The following FOXP2 variants were observed in gnomAD, a reference collection of about 807,000 sequenced individuals.
FOXP2 encodes forkhead box P2, also known as forkhead box protein P2.
Under a neutral mutation model 115.8 loss-of-function variants are expected in FOXP2, and 12 were observed. The ratio of observed to expected loss-of-function variants is 0.10; its 90% CI spans 0.07 to 0.17. The LOEUF is 0.17. FOXP2 is among the 10% of genes least tolerant of loss of function. FOXP2 has a pLI of 1.00. For synonymous variants in FOXP2, 328 were observed against 297.7 expected (o/e 1.10, Z -1.05); for missense variants, 629 against 843.5 (o/e 0.75, Z 3.15).
intron 2 of FOXP2, among the ~76,000 whole-genome samples, chr7:114,367,796 T>C (rs1791915762): frequency 6.6e-6 from 1 of 152,176 alleles, no homozygotes; most frequent in Non-Finnish European, 1.5e-5. Flanking sequence ...ATCACCTCCT[T>C]CTAGTGAAGA....
intron 2 of FOXP2, among the ~76,000 whole-genome samples, chr7:114,354,743 C>T (rs1053349279): frequency 1.3e-5 from 2 of 152,160 alleles, no homozygotes; most frequent in African/African-American, 4.8e-5. Flanking sequence ...TCTATGAACA[C>T]ACCTGCTCAG....
intron 9 of FOXP2, chr7:114,653,600 G>A (rs1806406641): frequency 1.6e-5 from 6 of 367,014 alleles, no homozygotes; most frequent in Non-Finnish European, 1.6e-5. Context: ...GTGTCCACAG[G>A]ACTTTAAAGA....
At chr7:114,251,243 T>G (rs1795434306) in intron 1 of FOXP2, among the ~76,000 whole-genome samples, 1 of 152,232 alleles carries the variant, frequency 6.6e-6, no homozygotes, top group African/African-American at 2.4e-5. Flanking sequence ...TGCCTGCAGC[T>G]TTGTTCTTTT....
At chr7:114,552,843 G>C (rs959876179) in intron 3 of FOXP2, among the ~76,000 whole-genome samples, 8 of 152,016 alleles carry the variant, frequency 5.3e-5, no homozygotes, top group Non-Finnish European at 1.2e-4. Context: ...TAGAGGTCAG[G>C]ACTGTGAAAA....
intron 1 of FOXP2, among the ~76,000 whole-genome samples, chr7:114,197,173 C>T (rs111236039): frequency 0.012 from 1,780 of 147,484 alleles, 40 homozygotes; most frequent in African/African-American, 0.042. Context: ...ACTCCAGCCT[C>T]GACTACACAG....
chr7:114,244,036 C>G (rs755609965), intron 1 of FOXP2, among the ~76,000 whole-genome samples: 6 of 151,436 alleles, frequency 4.0e-5, no homozygotes, highest in Admixed American at 1.3e-4. Context: ...TTCTTTGGCT[C>G]TAGAATGTTT....
chr7:114,423,331 G>A (rs552596306), intron 1 of FOXP2, among the ~76,000 whole-genome samples: 1 of 151,774 alleles, frequency 6.6e-6, no homozygotes, highest in East Asian at 2.0e-4. Flanking sequence ...CAAAAGGGAA[G>A]TGGTGTAGAG....
chr7:114,429,152 G>A lies in FOXP2; in HGVS notation c.168+2473G>A, dbSNP rs73434156. Among the ~76,000 whole-genome samples, 1,062 of 151,486 alleles carry A rather than the reference G, an allele frequency of 7.0e-3. 11 individuals carry two copies. Among genetic ancestry groups the A allele is most frequent in the African/African-American group, 0.024 (1,012 of 41,458 alleles). On this transcript the variant is annotated intron_variant, in intron 2 of 16. Coordinates refer to ENST00000350908, the MANE Select transcript of FOXP2 (RefSeq NM_014491.4). ...TTGACTTAAATTAGCCATGTATTTA[G>A]CATGAAGAGTTGGTGTTTGGAATGA...
intron 1 of FOXP2, among the ~76,000 whole-genome samples, chr7:114,173,276 G>A (rs1235523566): frequency 6.6e-6 from 1 of 151,746 alleles, no homozygotes; most frequent in Non-Finnish European, 1.5e-5. Context: ...TTCTTTCTTT[G>A]ACGTGAAATT....
At chr7:114,572,103 T>G (rs928453412) in intron 3 of FOXP2, among the ~76,000 whole-genome samples, 1 of 151,804 alleles carries the variant, frequency 6.6e-6, no homozygotes, top group Non-Finnish European at 1.5e-5. Flanking sequence ...ACAGAAAATG[T>G]TTTCAATAAA....
intron 2 of FOXP2, among the ~76,000 whole-genome samples, chr7:114,288,630 T>C (rs1464822844): frequency 2.6e-5 from 4 of 151,792 alleles, no homozygotes; most frequent in Non-Finnish European, 4.4e-5. Context: ...TTTTGAAAGA[T>C]TTGTTTTCTT....
intron 1 of FOXP2, among the ~76,000 whole-genome samples, chr7:114,094,212 G>C (rs1383241976): frequency 5.3e-5 from 8 of 152,086 alleles, no homozygotes. Context: ...TTTGTGATTT[G>C]ATGAAAACTC....
chr7:114,529,988 G>A (rs902920287), intron 2 of FOXP2, among the ~76,000 whole-genome samples: 1 of 151,794 alleles, frequency 6.6e-6, no homozygotes, highest in Non-Finnish European at 1.5e-5. Flanking sequence ...CGTATTCAAA[G>A]TAACATGTTG....
chr7:114,552,452 AAG>A (rs975381837), intron 3 of FOXP2, among the ~76,000 whole-genome samples: 7 of 152,184 alleles, frequency 4.6e-5, no homozygotes, highest in Non-Finnish European at 1.0e-4. Flanking sequence ...ATTATAGTAA[AAG>A]AGTATACCTT....
intron 1 of FOXP2, among the ~76,000 whole-genome samples, chr7:114,235,589 A>C (rs1008670317): frequency 6.6e-6 from 1 of 152,194 alleles, no homozygotes; most frequent in Non-Finnish European, 1.5e-5. Flanking sequence ...TTTCTATTTT[A>C]TACAACATCT....
At chr7:114,148,764 A>G (rs1052741118) in intron 1 of FOXP2, among the ~76,000 whole-genome samples, 2 of 152,104 alleles carry the variant, frequency 1.3e-5, no homozygotes, top group Non-Finnish European at 2.9e-5. Context: ...TTTCCCTCTT[A>G]TGTTCCTTTT....
chr7:114,527,935 A>T (rs1798951655), intron 2 of FOXP2, among the ~76,000 whole-genome samples: 1 of 152,044 alleles, frequency 6.6e-6, no homozygotes, highest in African/African-American at 2.4e-5. Flanking sequence ...ACAAGTCTTT[A>T]TACCTCTGTC....
At chr7:114,666,739 T>A (rs1807181017) in intron 16 of FOXP2, 1 of 152,180 alleles carries the variant, frequency 6.6e-6, no homozygotes, top group Non-Finnish European at 1.5e-5. Flanking sequence ...AATGCCAGAC[T>A]GTCAGGGTTC....
intron 2 of FOXP2, among the ~76,000 whole-genome samples, chr7:114,360,333 G>GT (rs1012610372): frequency 6.6e-6 from 1 of 152,052 alleles, no homozygotes; most frequent in Non-Finnish European, 1.5e-5. Context: ...CTTCATAGCA[G>GT]TAAGAAAATG....
Sources: gnomAD v4.1 joint callset for allele counts (sites outside exome capture counted in the v4.1 genomes callset) on GRCh38, gnomAD v4.1.1 for gene constraint, MANE v1.5 for transcripts, NCBI Gene and HGNC (gene_info 2026-07-23, HGNC 2026-07-21) for gene names.